UBE3D: variants seen among roughly 807,000 people sequenced by gnomAD.
UBE3D encodes the protein E3 ubiquitin-protein ligase E3D.
In UBE3D, 48 loss-of-function variants were observed where a neutral mutation model predicts 49.6. The ratio of observed to expected loss-of-function variants is 0.97; its 90% CI spans 0.77 to 1.23. The LOEUF (loss-of-function observed/expected upper bound fraction) is 1.23. Ranked by LOEUF, UBE3D falls within the 50% of genes most tolerant of loss-of-function variation. The pLI is 0.00. For synonymous variants in UBE3D, 189 were observed against 174.2 expected (o/e 1.08, Z -0.67); for missense variants, 452 against 468.4 (o/e 0.96, Z 0.32).
chr6:82,947,707 CA>C lies in UBE3D; in HGVS notation c.1149+9604del, dbSNP rs1775507721. ...ATGGAATAAAACCTTAAATCAATAA[CA>C]AGAGGAATTTTGAAAACTATACGAA... On this transcript the variant is annotated intron_variant, in intron 9 of 9. Coordinates refer to ENST00000369747, the MANE Select transcript of UBE3D (RefSeq NM_198920.3). Among the ~76,000 whole-genome samples the C allele has an allele frequency of 4.0e-5, 6 of 151,894 alleles. No individual in the cohort carries two copies. In the South Asian group the frequency reaches 1.2e-3, roughly 32 times the overall value.
intron 5 of UBE3D, among the ~76,000 whole-genome samples, chr6:83,034,097 T>C (rs905537211): frequency 5.9e-5 from 9 of 152,232 alleles, no homozygotes; most frequent in Non-Finnish European, 1.3e-4. Flanking sequence ...TTATTAATTT[T>C]TAAAATTGTC....
At chr6:82,976,098 A>G (rs1777698164) in intron 8 of UBE3D, among the ~76,000 whole-genome samples, 1 of 152,252 alleles carries the variant, frequency 6.6e-6, no homozygotes, top group Non-Finnish European at 1.5e-5. Context: ...ATTAACCAGG[A>G]ACAAGGTAAA....
At chr6:83,063,707 G>T (rs904349121) in intron 1 of UBE3D, among the ~76,000 whole-genome samples, 2 of 152,114 alleles carry the variant, frequency 1.3e-5, no homozygotes, top group African/African-American at 4.8e-5. Flanking sequence ...CACTAGAATG[G>T]TTCAAACTAA....
At chr6:83,040,244 C>T (rs957658872) in intron 4 of UBE3D, among the ~76,000 whole-genome samples, 2 of 151,826 alleles carry the variant, frequency 1.3e-5, no homozygotes, top group South Asian at 4.2e-4. Flanking sequence ...ATTAGCTGGG[C>T]GTCGTGGTGC....
intron 8 of UBE3D, among the ~76,000 whole-genome samples, chr6:83,016,566 C>T (rs1308482492): frequency 6.6e-6 from 1 of 151,852 alleles, no homozygotes; most frequent in Non-Finnish European, 1.5e-5. Flanking sequence ...CTGTATTAGT[C>T]AGGGCTCTCT....
At chr6:82,902,588 G>A (rs1771817568) in intron 9 of UBE3D, among the ~76,000 whole-genome samples, 1 of 152,196 alleles carries the variant, frequency 6.6e-6, no homozygotes. Flanking sequence ...GTCAAGGACA[G>A]AGCAGTGATT....
chr6:82,889,571 T>C (rs981903709), downstream of UBE3D, among the ~76,000 whole-genome samples: 2 of 152,240 alleles, frequency 1.3e-5, no homozygotes, highest in African/African-American at 4.8e-5. Flanking sequence ...ATTTTAACCA[T>C]ATATGGTACT....
chr6:82,963,996 A>G (rs1776735069), intron 8 of UBE3D, among the ~76,000 whole-genome samples: 1 of 152,204 alleles, frequency 6.6e-6, no homozygotes, highest in Non-Finnish European at 1.5e-5. Flanking sequence ...ACTAAACGTC[A>G]ATTGAAACTT....
chr6:82,956,380 T>C (rs1042342594), intron 9 of UBE3D, among the ~76,000 whole-genome samples: 1 of 152,232 alleles, frequency 6.6e-6, no homozygotes, highest in African/African-American at 2.4e-5. Context: ...TTGACACTCA[T>C]TTGACAATTA....
intron 8 of UBE3D, among the ~76,000 whole-genome samples, chr6:83,000,849 T>A (rs1779579088): frequency 6.6e-6 from 1 of 151,658 alleles, no homozygotes; most frequent in Admixed American, 6.6e-5. Flanking sequence ...TCAATTCTTT[T>A]TTTTTTTTTT....
chr6:82,977,778 C>T (rs1375416954), intron 8 of UBE3D, among the ~76,000 whole-genome samples: 2 of 152,090 alleles, frequency 1.3e-5, no homozygotes, highest in Admixed American at 6.5e-5. Context: ...GTGGAGGTTA[C>T]AGTGAACTGA....
intron 8 of UBE3D, among the ~76,000 whole-genome samples, chr6:82,984,881 G>A (rs1313334979): frequency 6.6e-6 from 1 of 151,776 alleles, no homozygotes; most frequent in Non-Finnish European, 1.5e-5. Flanking sequence ...GGTGATTATG[G>A]CTCCCTAAAG....
chr6:82,952,661 T>C (rs903992830), intron 9 of UBE3D, among the ~76,000 whole-genome samples: 1 of 152,134 alleles, frequency 6.6e-6, no homozygotes, highest in Non-Finnish European at 1.5e-5. Context: ...TAGGCTCTAG[T>C]GATCCTCCTG....
chr6:82,920,069 A>G (rs961733176), intron 9 of UBE3D, among the ~76,000 whole-genome samples: 23 of 152,216 alleles, frequency 1.5e-4, no homozygotes, highest in African/African-American at 5.3e-4. Context: ...AAATATATAT[A>G]AATCATATTA....
intron 9 of UBE3D, among the ~76,000 whole-genome samples, chr6:82,934,060 T>C (rs113811530): frequency 6.6e-5 from 10 of 152,188 alleles, no homozygotes; most frequent in Non-Finnish European, 1.5e-4. Context: ...TAGGAGGTGA[T>C]TGAATCCTGG....
At chr6:82,989,207 G>A (rs1473108927) in intron 8 of UBE3D, among the ~76,000 whole-genome samples, 8 of 152,046 alleles carry the variant, frequency 5.3e-5, no homozygotes, top group Non-Finnish European at 1.5e-5. Context: ...GCCCCTGGGT[G>A]TTCACCTCTG....
At chr6:82,890,750 T>C (rs1242892195), downstream of UBE3D, among the ~76,000 whole-genome samples, 7 of 152,194 alleles carry the variant, frequency 4.6e-5, no homozygotes, top group Non-Finnish European at 8.8e-5. Context: ...AACTCGATTT[T>C]ATTAGGGAGG....
rs1396773682 is a variant in UBE3D at position 82,990,430 on chromosome 6, A to AGCACACCCAGCTACTTTTTGTAT, written c.1010+28520_1010+28542dup. On this transcript the variant is annotated intron_variant, in intron 8 of 9. Coordinates refer to ENST00000369747, the MANE Select transcript of UBE3D (RefSeq NM_198920.3). ...GTAGCAGGGACTGCAGGTATGCACC[A>AGCACACCCAGCTACTTTTTGTAT]GCACACCCAGCTACTTTTTGTATTT... Among the ~76,000 whole-genome samples the AGCACACCCAGCTACTTTTTGTAT allele has an allele frequency of 7.9e-4, 120 of 152,232 alleles. 3 individuals are homozygous for AGCACACCCAGCTACTTTTTGTAT. Among genetic ancestry groups the AGCACACCCAGCTACTTTTTGTAT allele is most frequent in the Admixed American group, 7.9e-3 (120 of 15,278 alleles).
intron 4 of UBE3D, among the ~76,000 whole-genome samples, chr6:83,040,257 G>C (rs758474687): frequency 2.0e-5 from 3 of 151,886 alleles, no homozygotes; most frequent in Non-Finnish European, 4.4e-5. Context: ...CGTGGTGCGC[G>C]CTTGTAGTCC....
Sources: allele counts gnomAD v4.1 joint callset (sites outside exome capture counted in the v4.1 genomes callset), GRCh38; gene constraint gnomAD v4.1.1; transcripts MANE v1.5; gene names NCBI Gene and HGNC (gene_info 2026-07-23, HGNC 2026-07-21).